The following CTNNA2 variants were observed in gnomAD, a reference collection of about 807,000 sequenced individuals.
CTNNA2 encodes catenin alpha 2, also known as catenin alpha-2.
Under a neutral mutation model 101.0 loss-of-function variants are expected in CTNNA2, and 42 were observed. The observed-to-expected ratio is 0.42, with a 90% CI of 0.32 to 0.54. The LOEUF (loss-of-function observed/expected upper bound fraction) is 0.54, where lower values mean the gene tolerates loss of function less well. Ranked by LOEUF, CTNNA2 falls within the 20% of genes least tolerant of loss-of-function variation. The pLI is 0.14. For synonymous variants in CTNNA2, 450 were observed against 456.4 expected, an observed-to-expected ratio of 0.99 and a Z score of 0.18; for missense variants, 871 against 1,223.1, an observed-to-expected ratio of 0.71 and a Z score of 4.29.
chr2:80,130,966 CAA>C (rs200904422), intron 7 of CTNNA2, among the ~76,000 whole-genome samples: 12 of 140,156 alleles, frequency 8.6e-5, no homozygotes, highest in African/African-American at 1.5e-4. Context: ...ACAGCTATAC[CAA>C]AAAAAAAAAG....
intron 7 of CTNNA2, among the ~76,000 whole-genome samples, chr2:80,234,111 A>G (rs535957508): frequency 2.0e-5 from 3 of 151,692 alleles, no homozygotes; most frequent in East Asian, 3.9e-4. Flanking sequence ...CAGTGGCACC[A>G]TCTTGGCTCA....
At chr2:80,130,419 G>A (rs944737928) in intron 7 of CTNNA2, among the ~76,000 whole-genome samples, 2 of 152,190 alleles carry the variant, frequency 1.3e-5, no homozygotes, top group Non-Finnish European at 2.9e-5. Flanking sequence ...GAGAAAAAGA[G>A]ATAGAGTTAC....
intron 1 of CTNNA2, among the ~76,000 whole-genome samples, chr2:79,530,867 C>CAGG (rs10701473): frequency 0.23 from 34,536 of 151,820 alleles, 4,337 homozygotes; most frequent in Middle Eastern, 0.34. Flanking sequence ...AGTTTGAGCA[C>CAGG]AGAACACTCA....
intron 7 of CTNNA2, among the ~76,000 whole-genome samples, chr2:80,348,810 A>G (rs1673022611): frequency 6.6e-6 from 1 of 152,188 alleles, no homozygotes; most frequent in Middle Eastern, 3.4e-3. Flanking sequence ...ACTGAGGAGC[A>G]CAAGGTATTG....
intron 7 of CTNNA2, among the ~76,000 whole-genome samples, chr2:80,115,539 A>T (rs985047600): frequency 6.6e-6 from 1 of 152,210 alleles, no homozygotes; most frequent in African/African-American, 2.4e-5. Context: ...ATCAAAATTA[A>T]TTGTGCCAGT....
chr2:80,249,412 C>A (rs1558940292), intron 7 of CTNNA2, among the ~76,000 whole-genome samples: 1 of 152,090 alleles, frequency 6.6e-6, no homozygotes, highest in Non-Finnish European at 1.5e-5. Flanking sequence ...GCGAAGGGAG[C>A]TCTTAGGGAA....
chr2:80,012,309 G>C (rs985387568), intron 7 of CTNNA2, among the ~76,000 whole-genome samples: 3 of 152,112 alleles, frequency 2.0e-5, no homozygotes, highest in African/African-American at 4.8e-5. Context: ...TGTCTTATTG[G>C]GAATGCATTC....
At chr2:80,089,881 G>C (rs1018980306) in intron 7 of CTNNA2, among the ~76,000 whole-genome samples, 6 of 151,978 alleles carry the variant, frequency 3.9e-5, no homozygotes, top group African/African-American at 1.4e-4. Flanking sequence ...GCTCTCTAGG[G>C]CCCTCCAAGC....
chr2:79,870,170 C>A (rs911037700), intron 5 of CTNNA2, among the ~76,000 whole-genome samples: 10 of 152,152 alleles, frequency 6.6e-5, no homozygotes, highest in African/African-American at 2.2e-4. Context: ...CACTGGTGGA[C>A]CCACCCTGCT....
intron 4 of CTNNA2, among the ~76,000 whole-genome samples, chr2:79,409,100 T>A (rs1376590635): frequency 2.0e-5 from 3 of 152,184 alleles, no homozygotes; most frequent in Admixed American, 1.3e-4. Context: ...ATGTCTTCTT[T>A]TGAGAAGTGT....
chr2:80,623,372 A>C (rs1671342750), intron 18 of CTNNA2, among the ~76,000 whole-genome samples: 1 of 151,854 alleles, frequency 6.6e-6, no homozygotes, highest in South Asian at 2.1e-4. Flanking sequence ...ATTTTTTTTG[A>C]GCCTTCACAC....
intron 9 of CTNNA2, among the ~76,000 whole-genome samples, chr2:80,520,352 G>T (rs1001419334): frequency 2.0e-5 from 3 of 152,180 alleles, no homozygotes; most frequent in East Asian, 1.9e-4. Flanking sequence ...TGCAAGGAGA[G>T]AACTGGAAAA....
intron 7 of CTNNA2, among the ~76,000 whole-genome samples, chr2:79,996,462 A>G (rs1692553300): frequency 6.6e-6 from 1 of 152,226 alleles, no homozygotes; most frequent in South Asian, 2.1e-4. Flanking sequence ...TGAAGCAGAA[A>G]AAAGAAGATA....
chr2:79,965,774 A>G (rs985972777), intron 7 of CTNNA2, among the ~76,000 whole-genome samples: 15 of 149,214 alleles, frequency 1.0e-4, no homozygotes, highest in Admixed American at 8.8e-4. Context: ...CAGTGAGACA[A>G]GATGGCACCA....
At chr2:79,492,674 T>G (rs1321755357) in intron 4 of CTNNA2, among the ~76,000 whole-genome samples, 1 of 152,096 alleles carries the variant, frequency 6.6e-6, no homozygotes, top group African/African-American at 2.4e-5. Flanking sequence ...TAATACACAT[T>G]TTTTACAAAC....
chr2:80,169,745 G>A (rs571010883), intron 7 of CTNNA2, among the ~76,000 whole-genome samples: 2 of 152,268 alleles, frequency 1.3e-5, no homozygotes, highest in East Asian at 3.9e-4. Flanking sequence ...TTGGCTGTGA[G>A]CTGCTCCTGC....
intron 1 of CTNNA2, among the ~76,000 whole-genome samples, chr2:79,544,691 A>C (rs760700516): frequency 6.6e-6 from 1 of 152,132 alleles, no homozygotes; most frequent in Non-Finnish European, 1.5e-5. Flanking sequence ...TTTTTTCATG[A>C]GACCCAAAAT....
chr2:80,516,521 T>C (rs1219895180), intron 9 of CTNNA2, among the ~76,000 whole-genome samples: 1 of 152,154 alleles, frequency 6.6e-6, no homozygotes, highest in Non-Finnish European at 1.5e-5. Flanking sequence ...AGATTAACTC[T>C]GGCTGAGGGG....
intron 7 of CTNNA2, among the ~76,000 whole-genome samples, chr2:80,230,978 T>TTTTGTTTTGC (rs1709175172): frequency 6.6e-6 from 1 of 152,052 alleles, no homozygotes; most frequent in African/African-American, 2.4e-5. Context: ...TTTTGTTTTG[T>TTTTGTTTTGC]TTTGTTTTTA....
Sources: allele counts gnomAD v4.1 joint callset (sites outside exome capture counted in the v4.1 genomes callset), GRCh38; gene constraint gnomAD v4.1.1; transcripts MANE v1.5; gene names NCBI Gene and HGNC (gene_info 2026-07-23, HGNC 2026-07-21).